The following RPL26L1 variants were observed in gnomAD, a reference collection of about 807,000 sequenced individuals.
RPL26L1 encodes the protein ribosomal protein L26 like 1, also known as ribosomal protein uL24-like.
A neutral mutation model predicts 15.2 loss-of-function variants in RPL26L1; 8 were observed. The observed-to-expected ratio is 0.53, with a 90% CI of 0.31 to 0.95. The LOEUF (loss-of-function observed/expected upper bound fraction) is 0.95. Ranked by LOEUF, RPL26L1 falls within the 40% of genes least tolerant of loss-of-function variation. RPL26L1 has a pLI of 0.05. For missense variants in RPL26L1, 146 were observed against 190.9 expected, an observed-to-expected ratio of 0.76 and a Z score of 1.39; for synonymous variants, 51 against 65.9, an observed-to-expected ratio of 0.77 and a Z score of 1.09.
At chr5:172,954,776 A>T (rs1764318811), upstream of RPL26L1, 1 of 376,262 alleles carries the variant, frequency 2.7e-6, no homozygotes. Flanking sequence ...ACGTTGGCAT[A>T]CAACATTTAA....
upstream of RPL26L1, chr5:172,958,841 GA>G (rs1184027255): frequency 1.1e-5 from 2 of 183,102 alleles, no homozygotes; most frequent in African/African-American, 4.7e-5. Flanking sequence ...GACTGGATGA[GA>G]GGGGCGGGGT....
At chr5:172,964,281 C>CTTTTTT (rs1204432096) in intron 2 of RPL26L1, among the ~76,000 whole-genome samples, 8 of 99,236 alleles carry the variant, frequency 8.1e-5, no homozygotes, top group African/African-American at 1.1e-4. Flanking sequence ...GGCCTGTTGC[C>CTTTTTT]TTTTTTTTTT....
intron 2 of RPL26L1, among the ~76,000 whole-genome samples, chr5:172,963,911 A>G (rs1755345074): frequency 6.6e-6 from 1 of 152,168 alleles, no homozygotes; most frequent in Admixed American, 6.6e-5. Flanking sequence ...TTAACTGCTT[A>G]CTGGCCATCA....
upstream of RPL26L1, chr5:172,959,278 C>T (rs972472020): frequency 1.5e-6 from 1 of 671,360 alleles, no homozygotes. Context: ...ACAAGCAGGC[C>T]CTTGTACTCA....
intron 2 of RPL26L1, among the ~76,000 whole-genome samples, chr5:172,966,047 C>T (rs1039443738): frequency 3.4e-4 from 52 of 152,204 alleles, no homozygotes; most frequent in African/African-American, 1.1e-3. Flanking sequence ...CCAGTCTAGT[C>T]GACCAGCCGA....
chr5:172,955,047 T>TGGGTGAAACCTGGGAAGAGG (rs992889380), upstream of RPL26L1: 3 of 450,966 alleles, frequency 6.7e-6, no homozygotes, highest in South Asian at 4.7e-5. Flanking sequence ...CTGGTTGGGG[T>TGGGTGAAACCTGGGAAGAGG]GGGTGAAACC....
chr5:172,966,375 T>A (rs1755453632), intron 2 of RPL26L1, among the ~76,000 whole-genome samples: 1 of 130,118 alleles, frequency 7.7e-6, no homozygotes, highest in Non-Finnish European at 1.6e-5. Context: ...TTGCCTCGGC[T>A]GGTCTCCAAC....
At chr5:172,957,241 T>G (rs1420321306), upstream of RPL26L1, 1 of 456,280 alleles carries the variant, frequency 2.2e-6, no homozygotes, top group South Asian at 1.5e-5. Flanking sequence ...CTCACTACAT[T>G]GTTAGAATGA....
In RPL26L1 at chr5:172,968,803, C is replaced by CTTTTTTT. The variant is rs539398008; in HGVS notation, c.309+221_309+227dup. 1.8e-3 allele frequency among the ~76,000 whole-genome samples: 134 copies of CTTTTTTT among 74,368 alleles called. 16 individuals carry two copies. The highest frequency in any genetic ancestry group is 3.8e-3 in the African/African-American group (69 of 17,938). 48.8% of individuals were successfully genotyped at this position (74,368 alleles called of 152,430 possible). A position where few individuals can be genotyped will look rare whatever the true frequency, so the allele number is the denominator to read the frequency against. The stretch of plus-strand genomic sequence containing the variant: ...TTGCCTTTCTTGGTGATGGCTGTGT[C>CTTTTTTT]TTTTTTTTTTTTTTTTTTTTTTTGA... On this transcript the variant is annotated intron_variant, in intron 3 of 3. Coordinates refer to ENST00000265100, the MANE Select transcript of RPL26L1 (RefSeq NM_016093.4).
At chr5:172,955,314 A>T (rs1186831290), upstream of RPL26L1, 3 of 285,244 alleles carry the variant, frequency 1.1e-5, no homozygotes, top group Non-Finnish European at 2.1e-5. Flanking sequence ...TTTTTAGGAG[A>T]AACAGGGTTT....
chr5:172,966,289 G>A (rs368196601), intron 2 of RPL26L1, among the ~76,000 whole-genome samples: 10 of 145,062 alleles, frequency 6.9e-5, no homozygotes, highest in African/African-American at 2.5e-4. Context: ...GATCATAGGC[G>A]CATGCCACCA....
Position 172,964,281 on chromosome 5 carries a change from C to CCTTTTTTTTTTTTTTTTTTTTTTTTTTTT in RPL26L1, c.169-4178_169-4177insCTTTTTTTTTTTTTTTTTTTTTTTTTTTT, listed in dbSNP as rs1402885653. Among the ~76,000 whole-genome samples, 10 of 99,234 alleles carry CCTTTTTTTTTTTTTTTTTTTTTTTTTTTT rather than the reference C, an allele frequency of 1.0e-4. 5 individuals carry two copies. Among genetic ancestry groups the CCTTTTTTTTTTTTTTTTTTTTTTTTTTTT allele is most frequent in the Non-Finnish European group, 1.2e-4 (6 of 49,278 alleles). 65.1% of individuals were successfully genotyped at this position (99,234 alleles called of 152,430 possible). ...TGAGCCACAGTGTCTGGCCTGTTGC[C>CCTTTTTTTTTTTTTTTTTTTTTTTTTTTT]TTTTTTTTTTTTTTTTTTTTTGAGA... On this transcript the variant is annotated intron_variant, in intron 2 of 3. Transcript: ENST00000265100.
chr5:172,959,330 G>T (rs1043629792), upstream of RPL26L1: 1 of 1,000,738 alleles, frequency 1.0e-6, no homozygotes. Flanking sequence ...GAGGCACTGA[G>T]ATCCCACCCC....
At chr5:172,966,134 A>T (rs1402274185) in intron 2 of RPL26L1, among the ~76,000 whole-genome samples, 3 of 151,514 alleles carry the variant, frequency 2.0e-5, no homozygotes, top group African/African-American at 7.3e-5. Flanking sequence ...AAAATTTTTT[A>T]AATTAATTTT....
upstream of RPL26L1, among the ~76,000 whole-genome samples, chr5:172,954,583 GAGAA>G (rs909875654): frequency 9.9e-5 from 15 of 151,840 alleles, no homozygotes; most frequent in South Asian, 2.1e-4. Flanking sequence ...TCAAAAAAGA[GAGAA>G]AGAGAGAGGG....
At chr5:172,959,655 C>T in intron 1 of RPL26L1, 187 bp downstream of exon 1, 1 of 1,178,088 alleles carries the variant, frequency 8.5e-7, no homozygotes, top group East Asian at 3.2e-5. Context: ...TCCCCCACGA[C>T]CCCTTTAGAC....
upstream of RPL26L1, chr5:172,958,601 G>C (rs1310677912): frequency 2.8e-6 from 1 of 351,758 alleles, no homozygotes; most frequent in Non-Finnish European, 5.9e-6. Context: ...AGGGGGCGTG[G>C]TTGATCTCCC....
Position 172,968,591 on chromosome 5 carries a change from C to T in RPL26L1, c.301C>T (p.Pro101Ser), listed in dbSNP as rs764717159. The change falls in exon 3 of 4, where the codon CCA (proline) becomes TCA (serine). Residue 101 changes from proline to serine, a missense_variant. Coordinates refer to ENST00000265100, the MANE Select transcript of RPL26L1 (RefSeq NM_016093.4). ...NGTTVHVGIH[P>S]SKVVITRLKL... Reference sequence around the variant, plus strand: ...CACAACTGTCCACGTGGGCATTCACCCAAGCAAGGTATGGTCAAGGACTGA... The same window carrying T: ...CACAACTGTCCACGTGGGCATTCACTCAAGCAAGGTATGGTCAAGGACTGA... 1 of 1,613,916 alleles carries T rather than the reference C, an allele frequency of 6.2e-7. No individual in the cohort carries two copies. Among genetic ancestry groups the T allele is most frequent in the Non-Finnish European group, 8.5e-7 (1 of 1,179,956 alleles).
At chr5:172,959,376 G>A (rs896532446), upstream of RPL26L1, 6 of 1,002,626 alleles carry the variant, frequency 6.0e-6, no homozygotes, top group African/African-American at 6.9e-5. Context: ...TCGCTCCTAC[G>A]GAAATGGGGC....
Sources: allele counts gnomAD v4.1 joint callset (sites outside exome capture counted in the v4.1 genomes callset), GRCh38; gene constraint gnomAD v4.1.1; transcripts MANE v1.5; gene names NCBI Gene and HGNC (gene_info 2026-07-23, HGNC 2026-07-21).